The following CACNA2D1 variants were observed in gnomAD, a reference collection of about 807,000 sequenced individuals.
The protein encoded by CACNA2D1 is calcium voltage-gated channel auxiliary subunit alpha2delta 1, also known as voltage-dependent calcium channel subunit alpha-2/delta-1.
Under a neutral mutation model 171.5 loss-of-function variants are expected in CACNA2D1, and 53 were observed. The observed-to-expected ratio is 0.31, with a 90% confidence interval of 0.25 to 0.39. CACNA2D1 has a LOEUF of 0.39. CACNA2D1 is among the 10% of genes least tolerant of loss of function. CACNA2D1 has a pLI of 1.00. For synonymous variants in CACNA2D1, 442 were observed against 443.1 expected, an observed-to-expected ratio of 1.00 and a Z score of 0.03; for missense variants, 903 against 1,299.8, an observed-to-expected ratio of 0.69 and a Z score of 4.69.
At chr7:82,228,056 T>C (rs1002983043) in intron 3 of CACNA2D1, among the ~76,000 whole-genome samples, 20 of 152,226 alleles carry the variant, frequency 1.3e-4, no homozygotes, top group African/African-American at 4.8e-4. Flanking sequence ...TTACATTATA[T>C]GGCAACGGCA....
chr7:82,310,769 A>C (rs1814354841), intron 3 of CACNA2D1, among the ~76,000 whole-genome samples: 1 of 152,126 alleles, frequency 6.6e-6, no homozygotes, highest in Non-Finnish European at 1.5e-5. Context: ...TTTGTTTTTG[A>C]AATCTTTTAA....
At chr7:82,198,902 G>A (rs1182932599) in intron 3 of CACNA2D1, among the ~76,000 whole-genome samples, 1 of 151,918 alleles carries the variant, frequency 6.6e-6, no homozygotes, top group Non-Finnish European at 1.5e-5. Context: ...AAGACATTTT[G>A]GCTTTGTGAA....
intron 1 of CACNA2D1, chr7:82,410,663 G>T: frequency 5.0e-6 from 1 of 201,986 alleles, no homozygotes; most frequent in Non-Finnish European, 8.8e-6. Flanking sequence ...GGCAAATCCT[G>T]CTCCCAACTG....
chr7:81,961,082 A>ACCT (rs147979501), intron 36 of CACNA2D1, among the ~76,000 whole-genome samples: 2 of 150,946 alleles, frequency 1.3e-5, no homozygotes, highest in African/African-American at 2.4e-5. Context: ...AGATTACCTC[A>ACCT]CCTCCTCCTA....
At chr7:82,335,810 AT>A (rs1010403900) in intron 2 of CACNA2D1, among the ~76,000 whole-genome samples, 2 of 151,996 alleles carry the variant, frequency 1.3e-5, no homozygotes, top group Admixed American at 6.6e-5. Flanking sequence ...GTAATGGAGT[AT>A]TTTTTTTAAT....
At chr7:81,967,506 T>C (rs1794834478) in intron 30 of CACNA2D1, 90 bp downstream of exon 30, 1 of 717,588 alleles carries the variant, frequency 1.4e-6, no homozygotes, top group South Asian at 1.7e-5. Flanking sequence ...ATTGAGAATG[T>C]ATTTGCCACT....
intron 10 of CACNA2D1, among the ~76,000 whole-genome samples, chr7:82,049,754 C>T (rs1309835749): frequency 2.0e-5 from 3 of 152,124 alleles, no homozygotes; most frequent in Non-Finnish European, 1.5e-5. Context: ...GGCCCCACTT[C>T]GATGGCAAGA....
At chr7:82,035,502 G>A (rs1803195056) in intron 11 of CACNA2D1, among the ~76,000 whole-genome samples, 1 of 152,068 alleles carries the variant, frequency 6.6e-6, no homozygotes, top group Non-Finnish European at 1.5e-5. Flanking sequence ...GGAACAACTG[G>A]GACCATATTT....
intron 1 of CACNA2D1, among the ~76,000 whole-genome samples, chr7:82,391,209 G>GA (rs974152228): frequency 2.6e-5 from 4 of 151,734 alleles, no homozygotes; most frequent in Middle Eastern, 3.4e-3. Flanking sequence ...ACCAAGGTGG[G>GA]AAAAAAAAGC....
chr7:81,971,159 C>A, intron 26 of CACNA2D1: 1 of 218,584 alleles, frequency 4.6e-6, no homozygotes, highest in Non-Finnish European at 9.2e-6. Flanking sequence ...ATTTTGAATT[C>A]CATCTTAGAG....
At position 82,046,064 on chromosome 7, in the gene CACNA2D1, G is replaced by A. The variant is rs115783459; in HGVS notation, c.880-7829C>T. On this transcript the variant is annotated intron_variant, in intron 10 of 38. Transcript: ENST00000356860. The stretch of plus-strand genomic sequence containing the variant: ...TTTGTCAAATTAAAATTGCTCTCAT[G>A]AGTAAATTAGAAAAACTGCTATCTT... Among the ~76,000 whole-genome samples the A allele has an allele frequency of 8.9e-3, 1,350 of 152,242 alleles. 17 individuals are homozygous for A. The highest frequency in any genetic ancestry group is 0.025 in the African/African-American group (1,047 of 41,540).
rs555109234 is a variant in CACNA2D1 at position 82,329,787 on chromosome 7, T to C, written c.294+5348A>G. Among the ~76,000 whole-genome samples the C allele has an allele frequency of 4.7e-4, 71 of 152,188 alleles. 1 individual carries two copies. The East Asian group carries it at 8.7e-3, about 19-fold the overall frequency. On this transcript the variant is annotated intron_variant, in intron 3 of 38. Coordinates refer to ENST00000356860, the MANE Select transcript of CACNA2D1 (RefSeq NM_000722.4). ...TAGCAAATGTCAGAAAAAAAAGTCA[T>C]TTAGCAGACACATCTTGGAAATAAA... is the stretch of plus-strand genomic sequence containing the variant.
At chr7:82,076,825 T>C (rs1301780486) in intron 7 of CACNA2D1, among the ~76,000 whole-genome samples, 2 of 152,160 alleles carry the variant, frequency 1.3e-5, no homozygotes, top group Non-Finnish European at 2.9e-5. Flanking sequence ...TAACAAACTA[T>C]TGGATTAACT....
chr7:81,954,211 G>A (rs1922058), intron 38 of CACNA2D1, among the ~76,000 whole-genome samples: 60,004 of 151,680 alleles, frequency 0.4, 11,973 homozygotes, highest in East Asian at 0.51. Flanking sequence ...ATAATAAATC[G>A]GTCTGATTTT....
intron 25 of CACNA2D1, among the ~76,000 whole-genome samples, chr7:81,974,187 G>A (rs2130496439): frequency 6.6e-6 from 1 of 152,084 alleles, no homozygotes; most frequent in East Asian, 1.9e-4. Context: ...AAATTTGAGA[G>A]GAGCTAACAT....
At chr7:82,359,426 A>G (rs1182363658) in intron 1 of CACNA2D1, among the ~76,000 whole-genome samples, 2 of 152,122 alleles carry the variant, frequency 1.3e-5, no homozygotes, top group Non-Finnish European at 2.9e-5. Context: ...AAATCCTCCA[A>G]TGCTTACTAC....
intron 24 of CACNA2D1, among the ~76,000 whole-genome samples, chr7:81,976,836 A>T (rs2130545479): frequency 6.6e-6 from 1 of 152,308 alleles, no homozygotes; most frequent in Admixed American, 6.5e-5. Flanking sequence ...CCTGAGAAAC[A>T]AAAGCGAGAC....
intron 6 of CACNA2D1, among the ~76,000 whole-genome samples, chr7:82,107,615 G>A (rs1475743635): frequency 1.5e-5 from 2 of 137,528 alleles, no homozygotes; most frequent in African/African-American, 2.7e-5. Context: ...AGACAGTCTC[G>A]CTCTGTCACC....
At chr7:82,439,913 T>C (rs1399723529) in intron 1 of CACNA2D1, among the ~76,000 whole-genome samples, 2 of 151,896 alleles carry the variant, frequency 1.3e-5, no homozygotes, top group Non-Finnish European at 3.0e-5. Flanking sequence ...GTATGTAAAA[T>C]GTAAACAGAA....
Sources: gnomAD v4.1 joint callset for allele counts (sites outside exome capture counted in the v4.1 genomes callset) on GRCh38, gnomAD v4.1.1 for gene constraint, MANE v1.5 for transcripts, NCBI Gene and HGNC (gene_info 2026-07-23, HGNC 2026-07-21) for gene names.